The following GPC5 variants were observed in gnomAD, a reference collection of about 807,000 sequenced individuals.
GPC5 encodes the protein glypican 5.
In GPC5, 47 loss-of-function variants were observed where a neutral mutation model predicts 53.9. The ratio of observed to expected loss-of-function variants is 0.87; its 90% CI spans 0.69 to 1.11. The LOEUF (loss-of-function observed/expected upper bound fraction) is 1.11, where lower values mean the gene tolerates loss of function less well. GPC5 is among the 50% of genes most tolerant of loss of function. The pLI is 0.00. For synonymous variants in GPC5, 286 were observed against 263.3 expected, an observed-to-expected ratio of 1.09 and a Z score of -0.84; for missense variants, 748 against 713.1, an observed-to-expected ratio of 1.05 and a Z score of -0.56.
Position 91,717,881 on chromosome 13 carries a change from G to A in GPC5, c.1021-10651G>A, listed in dbSNP as rs187305288. Among the ~76,000 whole-genome samples the A allele has an allele frequency of 5.9e-5, 9 of 152,014 alleles. No homozygotes were observed. In the East Asian group the frequency reaches 1.8e-3, roughly 30 times the overall value. On this transcript the variant is annotated intron_variant, in intron 3 of 7. Transcript: ENST00000377067. ...GCTTGCACATTTTAAACCCCTAGCT[G>A]GTGCTGTTTCTAGAGCATCTTCATA... is the stretch of plus-strand genomic sequence containing the variant.
intron 7 of GPC5, among the ~76,000 whole-genome samples, chr13:92,636,056 C>T (rs1885395384): frequency 6.6e-6 from 1 of 152,184 alleles, no homozygotes; most frequent in Non-Finnish European, 1.5e-5. Flanking sequence ...TCTTCTTTCT[C>T]CAGAAGGCTT....
intron 7 of GPC5, among the ~76,000 whole-genome samples, chr13:92,191,127 A>G (rs993063965): frequency 6.6e-6 from 1 of 152,132 alleles, no homozygotes; most frequent in Non-Finnish European, 1.5e-5. Flanking sequence ...AAAAAGGGGC[A>G]TTATATAGTG....
chr13:92,654,201 T>C (rs1753556439), intron 7 of GPC5, among the ~76,000 whole-genome samples: 1 of 152,222 alleles, frequency 6.6e-6, no homozygotes. Context: ...ACCCTTAAAA[T>C]GTTTAAGTGC....
At chr13:92,600,705 C>T (rs1406392249) in intron 7 of GPC5, among the ~76,000 whole-genome samples, 1 of 149,310 alleles carries the variant, frequency 6.7e-6, no homozygotes, top group Non-Finnish European at 1.5e-5. Flanking sequence ...TGGGGTTTCA[C>T]CCTGTTAGCC....
At chr13:91,784,145 GTTTA>G (rs2037841016) in intron 5 of GPC5, among the ~76,000 whole-genome samples, 2 of 152,080 alleles carry the variant, frequency 1.3e-5, no homozygotes, top group African/African-American at 2.4e-5. Flanking sequence ...AGAAAATGGG[GTTTA>G]TTTAAGCCAC....
chr13:92,041,721 G>A (rs1220498857), intron 6 of GPC5, among the ~76,000 whole-genome samples: 1 of 152,154 alleles, frequency 6.6e-6, no homozygotes, highest in Non-Finnish European at 1.5e-5. Context: ...GCTAGCAAGA[G>A]GCCAGAAAGA....
chr13:91,864,818 C>T (rs372976874), intron 5 of GPC5, among the ~76,000 whole-genome samples: 1 of 151,740 alleles, frequency 6.6e-6, no homozygotes, highest in East Asian at 1.9e-4. Flanking sequence ...TTTGAATGTT[C>T]AATTTTGGGA....
chr13:92,374,701 G>T (rs1208086227), intron 7 of GPC5, among the ~76,000 whole-genome samples: 3 of 143,550 alleles, frequency 2.1e-5, no homozygotes, highest in Admixed American at 7.1e-5. Context: ...TGGGGACTGT[G>T]GTGGGGTTGG....
chr13:92,338,252 T>C (rs567025317), intron 7 of GPC5, among the ~76,000 whole-genome samples: 1 of 152,160 alleles, frequency 6.6e-6, no homozygotes, highest in East Asian at 1.9e-4. Context: ...TACCAATATA[T>C]ACGTATTAGA....
chr13:92,658,378 T>C (rs1886209705), intron 7 of GPC5, among the ~76,000 whole-genome samples: 1 of 152,186 alleles, frequency 6.6e-6, no homozygotes, highest in Non-Finnish European at 1.5e-5. Context: ...GGGACATCTA[T>C]GTTGCAAAAT....
intron 6 of GPC5, among the ~76,000 whole-genome samples, chr13:91,947,955 T>C (rs2039988957): frequency 6.6e-6 from 1 of 152,044 alleles, no homozygotes; most frequent in African/African-American, 2.4e-5. Context: ...ATTGAGACCA[T>C]CCTGACCTTG....
intron 7 of GPC5, among the ~76,000 whole-genome samples, chr13:92,253,563 T>C (rs2042706643): frequency 6.6e-6 from 1 of 152,124 alleles, no homozygotes; most frequent in Non-Finnish European, 1.5e-5. Flanking sequence ...GATAGCATTC[T>C]GGATGGATGC....
intron 2 of GPC5, among the ~76,000 whole-genome samples, chr13:91,492,014 T>A (rs1199219097): frequency 6.6e-6 from 1 of 152,194 alleles, no homozygotes; most frequent in African/African-American, 2.4e-5. Flanking sequence ...TAGCAATTAG[T>A]TTTTTTCTCT....
At chr13:92,278,992 T>C (rs2042895003) in intron 7 of GPC5, among the ~76,000 whole-genome samples, 1 of 152,070 alleles carries the variant, frequency 6.6e-6, no homozygotes, top group South Asian at 2.1e-4. Context: ...TTCAGTGTTG[T>C]CTTAACTATT....
At chr13:92,111,730 A>G (rs1472669336) in intron 6 of GPC5, among the ~76,000 whole-genome samples, 1 of 152,188 alleles carries the variant, frequency 6.6e-6, no homozygotes, top group Non-Finnish European at 1.5e-5. Flanking sequence ...ATGAGTTGTA[A>G]AAAACTAGCA....
chr13:91,487,824 A>T (rs1457735127), intron 2 of GPC5, among the ~76,000 whole-genome samples: 1 of 152,128 alleles, frequency 6.6e-6, no homozygotes, highest in Non-Finnish European at 1.5e-5. Context: ...TTTTATCCTC[A>T]CTGAAGGAAC....
intron 2 of GPC5, among the ~76,000 whole-genome samples, chr13:91,671,807 G>GAAAAAAAAAAAAAAAAAA (rs1207604916): frequency 1.8e-5 from 1 of 54,678 alleles, no homozygotes; most frequent in Non-Finnish European, 3.6e-5. Context: ...AAAAAAAAAC[G>GAAAAAAAAAAAAAAAAAA]AAACTGGAGG....
At chr13:92,174,555 A>C (rs1263805811) in intron 7 of GPC5, among the ~76,000 whole-genome samples, 1 of 147,380 alleles carries the variant, frequency 6.8e-6, no homozygotes, top group Non-Finnish European at 1.5e-5. Context: ...AAAAAACAAA[A>C]ACAACAACAA....
At chr13:91,836,543 A>G (rs1486450992) in intron 5 of GPC5, among the ~76,000 whole-genome samples, 4 of 152,058 alleles carry the variant, frequency 2.6e-5, no homozygotes, top group Non-Finnish European at 4.4e-5. Context: ...GCTCTTTTTG[A>G]TAAAAGTGTA....
Sources: gnomAD v4.1 joint callset for allele counts (sites outside exome capture counted in the v4.1 genomes callset) on GRCh38, gnomAD v4.1.1 for gene constraint, MANE v1.5 for transcripts, NCBI Gene and HGNC (gene_info 2026-07-23, HGNC 2026-07-21) for gene names.